PIEZO2: variants seen among roughly 807,000 people sequenced by gnomAD.
PIEZO2 encodes the protein piezo type mechanosensitive ion channel component 2, also known as piezo-type mechanosensitive ion channel component 2.
PIEZO2 carries 172 observed loss-of-function variants against 337.3 expected under a neutral mutation model. That is an observed-to-expected ratio of 0.51 (90% CI 0.45 to 0.58). PIEZO2 has a LOEUF of 0.58. Ranked by LOEUF, PIEZO2 falls within the 20% of genes least tolerant of loss-of-function variation. The probability of loss-of-function intolerance (pLI) is 0.00; values close to 1 mark genes in which losing one functional copy is unlikely to be tolerated. For synonymous variants in PIEZO2, 1,251 were observed against 1,228.5 expected (o/e 1.02, Z -0.38); for missense variants, 3,028 against 3,391.3 (o/e 0.89, Z 2.66).
intron 3 of PIEZO2, among the ~76,000 whole-genome samples, chr18:10,977,993 T>A (rs541944235): frequency 6.6e-6 from 1 of 152,090 alleles, no homozygotes; most frequent in Non-Finnish European, 1.5e-5. Flanking sequence ...AATTAGACAG[T>A]GGTGATAGCT....
rs1290867039 is a variant in PIEZO2, at chr18:10,850,856, T to A, written c.917+4497A>T. 6.6e-6 allele frequency among the ~76,000 whole-genome samples: 1 copy of A among 152,206 alleles called. No individual in the cohort carries two copies. The highest frequency in any genetic ancestry group is 1.9e-4 in the East Asian group (1 of 5,204). ...AGTGTTTTTTCTTATTATTTTATTT[T>A]TCCAAATGACCAAAAAACATGTGTT... On this transcript the variant is annotated intron_variant, in intron 7 of 55. Transcript: ENST00000674853. The surrounding 1 kb of genome is among the most constrained non-coding windows in gnomAD (Gnocchi z 4.5).
chr18:10,937,796 C>A (rs1193544207), intron 3 of PIEZO2, among the ~76,000 whole-genome samples: 1 of 152,166 alleles, frequency 6.6e-6, no homozygotes, highest in Non-Finnish European at 1.5e-5. Context: ...AGCTTCTTCC[C>A]TGACATTTTG....
chr18:10,775,790 A>G lies in PIEZO2; in HGVS notation c.2535-1752T>C, dbSNP rs2038762817. ...AGAAACTTGTAATGGGACAAGATGCAGCTGCGGACAAATGAGAAGGGCATC... is the reference window on the plus strand; with the variant it reads ...AGAAACTTGTAATGGGACAAGATGCGGCTGCGGACAAATGAGAAGGGCATC... On this transcript the variant is annotated intron_variant, in intron 18 of 55. Coordinates refer to ENST00000674853, the MANE Select transcript of PIEZO2 (RefSeq NM_001378183.1). The surrounding 1 kb of genome is among the most constrained non-coding windows in gnomAD (Gnocchi z 4.3). Among the ~76,000 whole-genome samples the G allele has an allele frequency of 6.6e-6, 1 of 152,188 alleles. No individual in the cohort carries two copies. Among genetic ancestry groups the G allele is most frequent in the African/African-American group, 2.4e-5 (1 of 41,452 alleles).
At chr18:10,931,917 T>G (rs2032114086) in intron 3 of PIEZO2, among the ~76,000 whole-genome samples, 1 of 152,206 alleles carries the variant, frequency 6.6e-6, no homozygotes, top group Non-Finnish European at 1.5e-5. Context: ...GTTTCTGTCT[T>G]TTTTGGTTGT....
chr18:10,718,082 C>A, intron 37 of PIEZO2, 118 bp downstream of exon 37: 1 of 869,320 alleles, frequency 1.2e-6, no homozygotes, highest in Non-Finnish European at 1.8e-6. Context: ...ATTATTTACT[C>A]ATAGTCCAGA....
At chr18:10,941,358 C>T (rs1451278639) in intron 3 of PIEZO2, among the ~76,000 whole-genome samples, 1 of 152,174 alleles carries the variant, frequency 6.6e-6, no homozygotes, top group Non-Finnish European at 1.5e-5. Context: ...TCCCCGCTTA[C>T]ACCCCAAGTA....
chr18:10,790,705 C>CTT (rs34016331), intron 14 of PIEZO2, among the ~76,000 whole-genome samples: 37,372 of 127,618 alleles, frequency 0.29, 6,222 homozygotes, highest in Non-Finnish European at 0.39. Context: ...TCAAATGGCA[C>CTT]TTTTTTTTTT....
chr18:11,056,690 G>A (rs2037743009), intron 2 of PIEZO2, among the ~76,000 whole-genome samples: 1 of 152,110 alleles, frequency 6.6e-6, no homozygotes, highest in Admixed American at 6.5e-5. Flanking sequence ...GCTCAAGAAC[G>A]AGGGCCATCC....
chr18:10,689,645 G>C lies in PIEZO2; in HGVS notation c.7497+10C>G. ...CAGACAGGAATAAGGCACATCTCCT[G>C]GCTTCTTACCTTCTCCGACTCCCGC... On this transcript the variant is annotated intron_variant, in intron 49 of 55. Transcript: ENST00000674853. The C allele has an allele frequency of 6.2e-7, 1 of 1,614,100 alleles. No individual in the cohort carries two copies. Among genetic ancestry groups the C allele is most frequent in the Non-Finnish European group, 8.5e-7 (1 of 1,179,994 alleles).
At chr18:10,915,572 A>G (rs457457) in intron 3 of PIEZO2, among the ~76,000 whole-genome samples, 142,406 of 152,226 alleles carry the variant, frequency 0.94, 66,710 homozygotes, top group East Asian at 1. Context: ...ACATAGCAAT[A>G]AAACAGTTTG....
intron 2 of PIEZO2, among the ~76,000 whole-genome samples, chr18:11,045,451 C>T (rs28392983): frequency 0.15 from 23,530 of 152,104 alleles, 2,171 homozygotes; most frequent in African/African-American, 0.25. Flanking sequence ...CACAGCCTTC[C>T]GGTGCTTGGG....
rs372050291 is a variant in PIEZO2, at chr18:10,986,709, T to C, written c.161-7049A>G. On this transcript the variant is annotated intron_variant, in intron 2 of 55. Coordinates refer to ENST00000674853, the MANE Select transcript of PIEZO2 (RefSeq NM_001378183.1). ...CTTCTATTTGACATAGTATGGGAAGTACTAACCGGAACAGTTATGGTAGAG... is the reference window on the plus strand; with the variant it reads ...CTTCTATTTGACATAGTATGGGAAGCACTAACCGGAACAGTTATGGTAGAG... Among the ~76,000 whole-genome samples, 80 of 152,074 alleles carry C rather than the reference T, an allele frequency of 5.3e-4. 1 individual carries two copies. Among genetic ancestry groups the C allele is most frequent in the African/African-American group, 1.9e-3 (77 of 41,530 alleles).
chr18:10,886,733 T>A (rs984466604), intron 4 of PIEZO2, among the ~76,000 whole-genome samples: 3 of 151,912 alleles, frequency 2.0e-5, no homozygotes, highest in Admixed American at 1.3e-4. Context: ...CATAAGTAAC[T>A]GAAACCATGG....
chr18:10,916,620 C>G (rs902248683), intron 3 of PIEZO2, among the ~76,000 whole-genome samples: 2 of 152,138 alleles, frequency 1.3e-5, no homozygotes, highest in African/African-American at 4.8e-5. Flanking sequence ...CTCGCGTCGG[C>G]CGGCGAGTGC....
At position 11,129,226 on chromosome 18, in the gene PIEZO2, C is replaced by A. The variant is rs950213326; in HGVS notation, c.64+19299G>T. On this transcript the variant is annotated intron_variant, in intron 1 of 55. Transcript: ENST00000674853. This position sits in a 1 kb window ranked among gnomAD's most constrained non-coding sequence, Gnocchi z 4.6. ...TGAAACAGATTTGTGAGGGCAGCAC[C>A]TGCATCTTTGGAACCACAGTCACTC... is the stretch of plus-strand genomic sequence containing the variant. 6.6e-6 allele frequency among the ~76,000 whole-genome samples: 1 copy of A among 152,098 alleles called. No homozygotes were observed. Among genetic ancestry groups the A allele is most frequent in the African/African-American group, 2.4e-5 (1 of 41,436 alleles).
chr18:11,060,796 A>G, intron 2 of PIEZO2, among the ~76,000 whole-genome samples: 1 of 152,364 alleles, frequency 6.6e-6, no homozygotes, highest in African/African-American at 2.4e-5. Context: ...GTCCAGGACC[A>G]GATGGATTCA....
intron 36 of PIEZO2, among the ~76,000 whole-genome samples, chr18:10,722,957 A>ATTTTTT: frequency 1.2e-5 from 1 of 84,310 alleles, no homozygotes; most frequent in Non-Finnish European, 2.2e-5. Flanking sequence ...GGATGCAGTG[A>ATTTTTT]TTTTTTTTTT....
intron 1 of PIEZO2, among the ~76,000 whole-genome samples, chr18:11,119,577 A>G (rs1171683576): frequency 4.6e-5 from 7 of 152,244 alleles, no homozygotes; most frequent in Admixed American, 4.6e-4. Flanking sequence ...ATTTAGCTCT[A>G]TGAGCTATAT....
intron 49 of PIEZO2, among the ~76,000 whole-genome samples, chr18:10,684,466 GTTTT>G (rs58939994): frequency 0.16 from 21,808 of 135,312 alleles, 3,942 homozygotes; most frequent in African/African-American, 0.46. Context: ...CGCCCGGCCT[GTTTT>G]TTTTTTTTTT....
Sources: gnomAD v4.1 joint callset for allele counts (sites outside exome capture counted in the v4.1 genomes callset) on GRCh38, gnomAD v4.1.1 for gene constraint, Gnocchi (gnomAD v3.1) non-coding constraint, MANE v1.5 for transcripts, NCBI Gene and HGNC (gene_info 2026-07-23, HGNC 2026-07-21) for gene names.